Variants in SMYD3 observed in about 807,000 individuals in gnomAD.
The protein encoded by SMYD3 is SET and MYND domain containing 3, also known as histone-lysine N-methyltransferase SMYD3.
In SMYD3, 36 loss-of-function variants were observed where a neutral mutation model predicts 57.7. That is an observed-to-expected ratio of 0.62 (90% CI 0.48 to 0.82). The LOEUF (loss-of-function observed/expected upper bound fraction) is 0.82. SMYD3 is among the 40% of genes least tolerant of loss of function. The probability of loss-of-function intolerance (pLI) is 0.00; values close to 1 mark genes in which losing one functional copy is unlikely to be tolerated. For missense variants in SMYD3, 515 were observed against 538.8 expected, an observed-to-expected ratio of 0.96 and a Z score of 0.44; for synonymous variants, 211 against 195.0, an observed-to-expected ratio of 1.08 and a Z score of -0.68.
intron 5 of SMYD3, among the ~76,000 whole-genome samples, chr1:246,011,819 T>C (rs965974072): frequency 6.6e-6 from 1 of 152,196 alleles, no homozygotes; most frequent in Non-Finnish European, 1.5e-5. Context: ...CTTGCTCCAC[T>C]ACACAAACTG....
intron 5 of SMYD3, among the ~76,000 whole-genome samples, chr1:246,048,412 G>A (rs2060006847): frequency 6.6e-6 from 1 of 152,140 alleles, no homozygotes; most frequent in South Asian, 2.1e-4. Context: ...GGGCCAGTGT[G>A]CAAAGCTGTA....
intron 5 of SMYD3, among the ~76,000 whole-genome samples, chr1:246,238,177 C>T (rs1331686490): frequency 2.0e-5 from 3 of 152,106 alleles, no homozygotes; most frequent in Non-Finnish European, 4.4e-5. Flanking sequence ...AATCCTCACA[C>T]CTCAGCCTCC....
At chr1:246,268,547 A>C in intron 5 of SMYD3, among the ~76,000 whole-genome samples, 1 of 151,978 alleles carries the variant, frequency 6.6e-6, no homozygotes, top group East Asian at 1.9e-4. Context: ...ATACACAAAA[A>C]AAAGACATTA....
chr1:245,809,486 C>T (rs1558367875), intron 10 of SMYD3, among the ~76,000 whole-genome samples: 1 of 152,188 alleles, frequency 6.6e-6, no homozygotes, highest in African/African-American at 2.4e-5. Flanking sequence ...AGAGTTCTAA[C>T]TTTGTGAACC....
chr1:246,468,610 C>T (rs969349118), intron 1 of SMYD3, among the ~76,000 whole-genome samples: 2 of 151,926 alleles, frequency 1.3e-5, no homozygotes, highest in Non-Finnish European at 2.9e-5. Flanking sequence ...CACTGCACTC[C>T]AGCCTGGGTG....
chr1:245,763,948 A>T (rs950338787), intron 11 of SMYD3, 93 bp downstream of exon 11: 7 of 944,690 alleles, frequency 7.4e-6, no homozygotes, highest in Non-Finnish European at 1.2e-5. Context: ...GCGTGCACAC[A>T]TACATAGAGC....
intron 1 of SMYD3, among the ~76,000 whole-genome samples, chr1:246,385,711 G>A (rs61140467): frequency 0.23 from 35,152 of 152,048 alleles, 4,406 homozygotes; most frequent in Non-Finnish European, 0.28. Context: ...CATCAAAAGC[G>A]GGAACTGTGT....
rs577522970 is a variant in SMYD3 at position 246,013,803 on chromosome 1, G to GT, written c.532-83867dup. On this transcript the variant is annotated intron_variant, in intron 5 of 11. Transcript: ENST00000490107. ...GCAGCACTAGAAAGAGATGATGTGTGTTTTTTGTACTGTCCCTGTCACATA... is the reference window on the plus strand; with the variant it reads ...GCAGCACTAGAAAGAGATGATGTGTGTTTTTTTGTACTGTCCCTGTCACATA... Among the ~76,000 whole-genome samples the GT allele has an allele frequency of 4.4e-3, 664 of 152,232 alleles. 4 individuals carry two copies. Among genetic ancestry groups the GT allele is most frequent in the Non-Finnish European group, 7.6e-3 (515 of 68,016 alleles).
chr1:246,449,872 G>A (rs1889544), intron 1 of SMYD3, among the ~76,000 whole-genome samples: 35,298 of 152,052 alleles, frequency 0.23, 4,203 homozygotes, highest in Middle Eastern at 0.34. Context: ...TTGTTTTTAA[G>A]TAATGTTATT....
rs1448461176 is a variant in SMYD3 at position 246,335,608 on chromosome 1, A to G, written c.229-134T>C. The G allele has an allele frequency of 4.4e-6, 3 of 675,590 alleles. No homozygotes were observed. The Admixed American group carries it at 8.5e-5, about 19-fold the overall frequency. The allele number at this position is 675,590 out of a possible 1,614,324, so 41.8% of individuals were successfully genotyped here. On this transcript the variant is annotated intron_variant, in intron 2 of 11. Transcript: ENST00000490107. The stretch of plus-strand genomic sequence containing the variant: ...TAACTGCACAATAGAAAATAAAAGC[A>G]ATATTCTAAATCTGAAAATAATCCA...
rs1374505012 is a variant in SMYD3, at chr1:246,478,896, G to A, written c.164+28158C>T. ...ACACCTGTCCTCCGTCCTGGAGCTG[G>A]TACATAAGTGCTCGTATATGTACAC... On this transcript the variant is annotated intron_variant, in intron 1 of 11. Coordinates refer to ENST00000490107, the MANE Select transcript of SMYD3 (RefSeq NM_001167740.2). Among the ~76,000 whole-genome samples the A allele has an allele frequency of 1.1e-3, 143 of 134,110 alleles. 30 individuals carry two copies. Among genetic ancestry groups the A allele is most frequent in the East Asian group, 2.0e-3 (8 of 4,026 alleles). 88.0% of individuals were successfully genotyped at this position (134,110 alleles called of 152,430 possible). A position where few individuals can be genotyped will look rare whatever the true frequency, so the allele number is the denominator to read the frequency against.
chr1:246,499,353 A>G (rs2103076069), intron 1 of SMYD3, among the ~76,000 whole-genome samples: 1 of 151,948 alleles, frequency 6.6e-6, no homozygotes, highest in Admixed American at 6.6e-5. Flanking sequence ...ACAACATAAT[A>G]AATTTACATA....
intron 5 of SMYD3, among the ~76,000 whole-genome samples, chr1:246,271,056 C>T (rs1178762021): frequency 6.6e-5 from 10 of 152,094 alleles, no homozygotes; most frequent in African/African-American, 2.2e-4. Context: ...TTTGCATTTC[C>T]GTCATGATTA....
intron 10 of SMYD3, among the ~76,000 whole-genome samples, chr1:245,786,076 CT>C (rs11457106): frequency 3.4e-3 from 414 of 123,184 alleles, no homozygotes; most frequent in Middle Eastern, 0.012. Context: ...AGAAGTTTTG[CT>C]TTTTTTTTTT....
chr1:246,155,035 C>A (rs531644200), intron 5 of SMYD3, among the ~76,000 whole-genome samples: 1 of 152,046 alleles, frequency 6.6e-6, no homozygotes, highest in African/African-American at 2.4e-5. Flanking sequence ...CCCGCCTCGG[C>A]CTCCCAAAGT....
intron 5 of SMYD3, among the ~76,000 whole-genome samples, chr1:246,044,497 G>T (rs1324430528): frequency 6.6e-6 from 1 of 152,106 alleles, no homozygotes; most frequent in Non-Finnish European, 1.5e-5. Flanking sequence ...AATTTTGTAG[G>T]TACGTAAAAC....
chr1:246,227,118 T>A (rs1572241015), intron 5 of SMYD3, among the ~76,000 whole-genome samples: 1 of 152,224 alleles, frequency 6.6e-6, no homozygotes, highest in African/African-American at 2.4e-5. Context: ...ACGTCCCATA[T>A]ACTTTGTAGT....
At chr1:246,426,947 CTA>C (rs2067227653) in intron 1 of SMYD3, among the ~76,000 whole-genome samples, 1 of 151,950 alleles carries the variant, frequency 6.6e-6, no homozygotes, top group Non-Finnish European at 1.5e-5. Context: ...CAATAAAACT[CTA>C]TGTAAATTTG....
chr1:246,130,126 A>C (rs937319888), intron 5 of SMYD3, among the ~76,000 whole-genome samples: 1 of 152,204 alleles, frequency 6.6e-6, no homozygotes, highest in African/African-American at 2.4e-5. Context: ...TCAGGAGAAA[A>C]ACTTATATGT....
Sources: gnomAD v4.1 joint callset for allele counts (sites outside exome capture counted in the v4.1 genomes callset) on GRCh38, gnomAD v4.1.1 for gene constraint, MANE v1.5 for transcripts, NCBI Gene and HGNC (gene_info 2026-07-23, HGNC 2026-07-21) for gene names.